GNAL: variants seen among roughly 807,000 people sequenced by gnomAD.
GNAL encodes the protein G protein subunit alpha L.
In GNAL, 18 loss-of-function variants were observed where a neutral mutation model predicts 55.1. The ratio of observed to expected loss-of-function variants is 0.33; its 90% CI spans 0.23 to 0.48. GNAL has a LOEUF of 0.48. GNAL is among the 20% of genes least tolerant of loss of function. The pLI is 0.99. For synonymous variants in GNAL, 253 were observed against 237.0 expected (o/e 1.07, Z -0.62); for missense variants, 412 against 614.1 (o/e 0.67, Z 3.48).
intron 5 of GNAL, among the ~76,000 whole-genome samples, chr18:11,841,393 C>A (rs571602267): frequency 7.2e-5 from 11 of 152,154 alleles, no homozygotes; most frequent in African/African-American, 2.6e-4. Context: ...GGCCTATAAT[C>A]CCAGCACTTT....
rs1210333804 is a variant in GNAL, at chr18:11,751,734, T to TG, written c.377-1113dup. ...AAGCGCCCCAGCCGGCCGGGCTCCG[T>TG]GGGGGGTCAGCTCCCTGACCCCTAC... is the stretch of plus-strand genomic sequence containing the variant. On this transcript the variant is annotated intron_variant, in intron 1 of 11. Transcript: ENST00000334049. This position sits in a 1 kb window ranked among gnomAD's most constrained non-coding sequence, Gnocchi z 4.5. 1.6e-5 allele frequency: 14 copies of TG among 871,226 alleles called. No homozygotes were observed. The South Asian group carries it at 2.1e-4, about 13-fold the overall frequency. The allele number at this position is 871,226 out of a possible 1,614,324, so 54.0% of individuals were successfully genotyped here.
At chr18:11,731,634 GTTTT>G (rs755537755) in intron 1 of GNAL, among the ~76,000 whole-genome samples, 1 of 152,100 alleles carries the variant, frequency 6.6e-6, no homozygotes, top group Non-Finnish European at 1.5e-5. Flanking sequence ...ATTGCCATTT[GTTTT>G]TTTATTTCCC....
rs187367825 is a variant in GNAL at position 11,774,427 on chromosome 18, G to A, written c.624+20482G>A. ...CAAATTGGGATTTTAAAATGCATGA[G>A]CGCCCATCTAAAAGAGCCACCTACG... On this transcript the variant is annotated intron_variant, in intron 4 of 11. Transcript: ENST00000334049. 1.4e-3 allele frequency among the ~76,000 whole-genome samples: 209 copies of A among 152,310 alleles called. 2 individuals carry two copies. Among genetic ancestry groups the A allele is most frequent in the African/African-American group, 4.6e-3 (193 of 41,570 alleles).
chr18:11,766,049 T>C (rs1349734874), intron 4 of GNAL, among the ~76,000 whole-genome samples: 6 of 152,176 alleles, frequency 3.9e-5, no homozygotes, highest in Non-Finnish European at 8.8e-5. Flanking sequence ...CTTAGCACTC[T>C]CTCAGGAATC....
chr18:11,716,536 G>A (rs972130195), intron 1 of GNAL, among the ~76,000 whole-genome samples: 17 of 152,172 alleles, frequency 1.1e-4, no homozygotes, highest in Non-Finnish European at 1.6e-4. Context: ...TCTCTTATCT[G>A]GCCCCACCCA....
At chr18:11,758,024 G>A (rs1288173618) in intron 4 of GNAL, among the ~76,000 whole-genome samples, 4 of 152,048 alleles carry the variant, frequency 2.6e-5, no homozygotes, top group Admixed American at 2.6e-4. Flanking sequence ...GGGAAGGTAG[G>A]CAAGGTCAAG....
intron 4 of GNAL, among the ~76,000 whole-genome samples, chr18:11,756,186 C>T (rs748664585): frequency 6.6e-6 from 1 of 152,134 alleles, no homozygotes; most frequent in Non-Finnish European, 1.5e-5. Flanking sequence ...GTAACTCCCA[C>T]CTATATTATC....
rs181987829 is a variant in GNAL at position 11,727,072 on chromosome 18, C to T, written c.377-25781C>T. ...CCTCCACACCCCCAGCCCTAGTCCG[C>T]GCTGGGTGCCCCTCCCTCCTTGCTG... On this transcript the variant is annotated intron_variant, in intron 1 of 11. Transcript: ENST00000334049. Among the ~76,000 whole-genome samples, 9 of 152,254 alleles carry T rather than the reference C, an allele frequency of 5.9e-5. No homozygotes were observed. In the East Asian group the frequency reaches 7.7e-4, roughly 13 times the overall value.
At chr18:11,778,067 G>C (rs1401367776) in intron 4 of GNAL, among the ~76,000 whole-genome samples, 1 of 152,184 alleles carries the variant, frequency 6.6e-6, no homozygotes, top group Non-Finnish European at 1.5e-5. Flanking sequence ...TCCCCTGCAA[G>C]TTACCATGTC....
chr18:11,754,590 A>G (rs1244188829), intron 4 of GNAL, among the ~76,000 whole-genome samples: 1 of 152,206 alleles, frequency 6.6e-6, no homozygotes, highest in African/African-American at 2.4e-5. Context: ...AAAACAGTAG[A>G]AATTACATGA....
intron 5 of GNAL, among the ~76,000 whole-genome samples, chr18:11,859,784 C>T (rs1487574886): frequency 1.2e-4 from 18 of 151,460 alleles, no homozygotes; most frequent in African/African-American, 3.6e-4. Flanking sequence ...CTCACTCTAT[C>T]GCCCAGGCTG....
In GNAL at chr18:11,883,032, C is replaced by G. The variant is rs185428916; in HGVS notation, c.*1897C>G. 3.8e-4 allele frequency: 53 copies of G among 139,608 alleles called. No homozygotes were observed. Among genetic ancestry groups the G allele is most frequent in the African/African-American group, 1.2e-3 (48 of 39,384 alleles). The allele number at this position is 139,608 out of a possible 1,614,324, so 8.6% of individuals were successfully genotyped here. On this transcript the variant is annotated 3_prime_UTR_variant, in exon 12 of 12. Transcript: ENST00000334049. ...CAATACAAATCTAGAGAAGTGACAG[C>G]CTACATTACTTCATTATTACTCTTC... is the stretch of plus-strand genomic sequence containing the variant.
Position 11,882,040 on chromosome 18 carries a change from G to T in GNAL, c.*905G>T, listed in dbSNP as rs1163324046. The T allele has an allele frequency of 6.6e-6, 1 of 152,296 alleles. No homozygotes were observed. Among genetic ancestry groups the T allele is most frequent in the East Asian group, 1.9e-4 (1 of 5,188 alleles). The allele number at this position is 152,296 out of a possible 1,614,324, so 9.4% of individuals were successfully genotyped here. A position where few individuals can be genotyped will look rare whatever the true frequency, so the allele number is the denominator to read the frequency against. On this transcript the variant is annotated 3_prime_UTR_variant, in exon 12 of 12. Transcript: ENST00000334049. ...AATGAATGGTAGCTGTAGAATTTAG[G>T]ATATTTTATCAGGTTGGCACTTTAT...
chr18:11,852,146 C>T, intron 5 of GNAL: 1 of 1,531,690 alleles, frequency 6.5e-7, no homozygotes, highest in Non-Finnish European at 8.8e-7. Context: ...CTGGCCATAG[C>T]CACCCTTTGA....
chr18:11,799,943 G>A (rs982705348), intron 4 of GNAL, among the ~76,000 whole-genome samples: 2 of 151,614 alleles, frequency 1.3e-5, no homozygotes, highest in African/African-American at 2.4e-5. Context: ...CCCCCTGTAC[G>A]TGTCCCTTTT....
intron 4 of GNAL, among the ~76,000 whole-genome samples, chr18:11,775,852 C>T (rs2033768220): frequency 6.6e-6 from 1 of 152,130 alleles, no homozygotes; most frequent in African/African-American, 2.4e-5. Flanking sequence ...GATTTCCATT[C>T]AAGAGTTTAT....
At chr18:11,857,972 T>TCA (rs1172623732) in intron 5 of GNAL, among the ~76,000 whole-genome samples, 2 of 152,222 alleles carry the variant, frequency 1.3e-5, no homozygotes, top group African/African-American at 4.8e-5. Flanking sequence ...CTATATGTTT[T>TCA]CACACACAAA....
At chr18:11,805,364 T>A (rs561719171) in intron 4 of GNAL, among the ~76,000 whole-genome samples, 75 of 152,118 alleles carry the variant, frequency 4.9e-4, no homozygotes, top group African/African-American at 1.7e-3. Flanking sequence ...AACATGGAGG[T>A]ATTCTGTACT....
At position 11,814,057 on chromosome 18, in the gene GNAL, AG is replaced by A. The variant is rs1291448310; in HGVS notation, c.625-10859del. 3.3e-5 allele frequency among the ~76,000 whole-genome samples: 5 copies of A among 152,352 alleles called. No homozygotes were observed. The East Asian group carries it at 5.8e-4, about 18-fold the overall frequency. On this transcript the variant is annotated intron_variant, in intron 4 of 11. Coordinates refer to ENST00000334049, the MANE Select transcript of GNAL (RefSeq NM_182978.4). The stretch of plus-strand genomic sequence containing the variant: ...CCAAAAACTAATTTGCATGGATCAT[AG>A]GCCTAAATGTAAGAGCTGAAAACTA...
Sources: allele counts gnomAD v4.1 joint callset (sites outside exome capture counted in the v4.1 genomes callset), GRCh38; gene constraint gnomAD v4.1.1; non-coding constraint Gnocchi (gnomAD v3.1); transcripts MANE v1.5; gene names NCBI Gene and HGNC (gene_info 2026-07-23, HGNC 2026-07-21).